Variants in XIRP2 observed in about 807,000 individuals in gnomAD.
The protein encoded by XIRP2 is xin actin-binding repeat-containing protein 2.
XIRP2 carries 236 observed loss-of-function variants against 277.0 expected under a neutral mutation model. The observed-to-expected ratio is 0.85, with a 90% CI of 0.77 to 0.95. The LOEUF (loss-of-function observed/expected upper bound fraction) is 0.95. Ranked by LOEUF, XIRP2 falls within the 40% of genes least tolerant of loss-of-function variation. The probability of loss-of-function intolerance (pLI) is 0.00; values close to 1 mark genes in which losing one functional copy is unlikely to be tolerated. For synonymous variants in XIRP2, 1,490 were observed against 1,416.5 expected (o/e 1.05, Z -1.17); for missense variants, 4,640 against 4,157.5 (o/e 1.12, Z -3.19).
At chr2:166,982,266 G>T in intron 2 of XIRP2, among the ~76,000 whole-genome samples, 1 of 148,520 alleles carries the variant, frequency 6.7e-6, no homozygotes. Context: ...AGTGCATCAG[G>T]TTTTTAATTT....
At chr2:166,923,865 T>A (rs530880492) in intron 2 of XIRP2, among the ~76,000 whole-genome samples, 1 of 152,160 alleles carries the variant, frequency 6.6e-6, no homozygotes, top group East Asian at 1.9e-4. Context: ...CATTTGTCAC[T>A]ATGGAAAATG....
intron 2 of XIRP2, among the ~76,000 whole-genome samples, chr2:167,134,080 T>G (rs1325720289): frequency 6.6e-6 from 1 of 152,106 alleles, no homozygotes; most frequent in Non-Finnish European, 1.5e-5. Flanking sequence ...AAAGATGATA[T>G]GATTACCAGA....
intron 2 of XIRP2, among the ~76,000 whole-genome samples, chr2:166,966,201 A>C (rs1686428273): frequency 6.6e-6 from 1 of 151,798 alleles, no homozygotes; most frequent in South Asian, 2.1e-4. Context: ...CAATATTAAC[A>C]CTTTTTTAAA....
chr2:167,248,691 A>G lies in XIRP2; in HGVS notation c.7299A>G (p.Ile2433Met). Residue 2433 changes from isoleucine to methionine, a missense_variant, in exon 9 of 11, where the codon ATA becomes ATG. Ile to Met is a conservative substitution (Grantham distance 10). Transcript: ENST00000409195. ...TLPKPKLPKH[I>M]KDNKNDFSPK... is the part of the protein sequence containing the mutation. ...CCAAACCCAAACTTCCCAAGCATATAAAAGATAATAAGAACGATTTTTCCC... is the reference window on the plus strand; with the variant it reads ...CCAAACCCAAACTTCCCAAGCATATGAAAGATAATAAGAACGATTTTTCCC... 6.2e-7 allele frequency: 1 copy of G among 1,613,770 alleles called. No individual in the cohort carries two copies. The highest frequency in any genetic ancestry group is 8.5e-7 in the Non-Finnish European group (1 of 1,179,814).
intron 2 of XIRP2, among the ~76,000 whole-genome samples, chr2:167,006,356 C>T (rs531458889): frequency 3.0e-4 from 45 of 151,716 alleles, no homozygotes; most frequent in African/African-American, 1.0e-3. Context: ...GTAGAGGATC[C>T]AAAGTCTTTG....
intron 3 of XIRP2, among the ~76,000 whole-genome samples, chr2:167,166,563 G>T (rs1189247577): frequency 6.6e-6 from 1 of 152,156 alleles, no homozygotes; most frequent in African/African-American, 2.4e-5. Context: ...GGTTATTTGG[G>T]CTTGCACCTG....
At position 167,250,258 on chromosome 2, in the gene XIRP2, C is replaced by A; in HGVS notation, c.8866C>A (p.Gln2956Lys). 1 of 1,613,140 alleles carries A rather than the reference C, an allele frequency of 6.2e-7. No homozygotes were observed. ...EFLRKREELQ[Q>K]ILSRVKQFEA... ...CTTGAGAAAACGTGAAGAACTGCAA[C>A]AGATTTTGTCGAGAGTGAAACAGTT... The change falls in exon 9 of 11, where the codon CAG (glutamine) becomes AAG (lysine). Residue 2956 changes from glutamine to lysine, a missense_variant. Physicochemically the swap from Gln to Lys is moderately conservative, Grantham distance 53. Transcript: ENST00000409195.
intron 2 of XIRP2, among the ~76,000 whole-genome samples, chr2:166,942,367 G>A (rs1224216914): frequency 6.6e-6 from 1 of 152,138 alleles, no homozygotes. Context: ...TGCTTTCATA[G>A]GTATTACTTC....
intron 2 of XIRP2, among the ~76,000 whole-genome samples, chr2:167,057,778 A>G (rs1416995137): frequency 6.6e-6 from 1 of 152,176 alleles, no homozygotes; most frequent in Admixed American, 6.5e-5. Flanking sequence ...GTAAAGAAAT[A>G]TAAGCCAAAA....
intron 2 of XIRP2, among the ~76,000 whole-genome samples, chr2:166,978,291 G>C (rs1199386325): frequency 6.6e-6 from 1 of 152,068 alleles, no homozygotes; most frequent in Admixed American, 6.5e-5. Flanking sequence ...TCTACAATAA[G>C]TAATCAATCA....
intron 2 of XIRP2, among the ~76,000 whole-genome samples, chr2:167,025,119 C>T (rs1316461895): frequency 1.3e-5 from 2 of 152,038 alleles, no homozygotes; most frequent in Non-Finnish European, 2.9e-5. Flanking sequence ...TTGATTATTG[C>T]CACAATTTCA....
intron 2 of XIRP2, among the ~76,000 whole-genome samples, chr2:167,063,860 G>C (rs2105242801): frequency 6.6e-6 from 1 of 151,472 alleles, no homozygotes; most frequent in South Asian, 2.1e-4. Flanking sequence ...ACAATATATA[G>C]TTGGGTTTTG....
At chr2:166,984,100 C>G (rs1270582925) in intron 2 of XIRP2, among the ~76,000 whole-genome samples, 4 of 152,188 alleles carry the variant, frequency 2.6e-5, no homozygotes, top group Non-Finnish European at 5.9e-5. Flanking sequence ...ATGGCCATCT[C>G]AACTCTTACA....
rs397986571 is a variant in XIRP2, at chr2:166,969,544, TA to T, written c.408+65664del. Among the ~76,000 whole-genome samples the T allele has an allele frequency of 3.1e-4, 45 of 147,470 alleles. 1 individual carries two copies. Among genetic ancestry groups the T allele is most frequent in the South Asian group, 2.1e-3 (10 of 4,710 alleles). ...TGAGTGAGAATAAACGATATTACAA[TA>T]AAAAAAAAACTCCCTTTCAATCATT... On this transcript the variant is annotated intron_variant, in intron 2 of 10. Coordinates refer to ENST00000409195, the MANE Select transcript of XIRP2 (RefSeq NM_152381.6).
chr2:167,053,125 A>G (rs1452386162), intron 2 of XIRP2, among the ~76,000 whole-genome samples: 2 of 152,232 alleles, frequency 1.3e-5, no homozygotes, highest in African/African-American at 2.4e-5. Flanking sequence ...ATCAGTTATG[A>G]TTTTGTTAAT....
intron 2 of XIRP2, among the ~76,000 whole-genome samples, chr2:167,078,693 A>C (rs1208896611): frequency 6.6e-6 from 1 of 151,956 alleles, no homozygotes; most frequent in Non-Finnish European, 1.5e-5. Context: ...AAAATTAGCA[A>C]GGGCATGGTG....
chr2:166,926,665 A>G (rs1685196013), intron 2 of XIRP2, among the ~76,000 whole-genome samples: 1 of 152,130 alleles, frequency 6.6e-6, no homozygotes, highest in Non-Finnish European at 1.5e-5. Flanking sequence ...CTTTCTGTTC[A>G]TGCTTGGTGC....
chr2:167,198,097 T>C (rs1693571315), intron 3 of XIRP2, among the ~76,000 whole-genome samples: 1 of 152,140 alleles, frequency 6.6e-6, no homozygotes, highest in South Asian at 2.1e-4. Context: ...TGTAAATAAA[T>C]TAAGGGATGA....
At chr2:167,196,583 A>T (rs1693525483) in intron 3 of XIRP2, among the ~76,000 whole-genome samples, 1 of 152,026 alleles carries the variant, frequency 6.6e-6, no homozygotes, top group Admixed American at 6.6e-5. Flanking sequence ...TCCTTCTGTG[A>T]GGCTTTCTGT....
Sources: allele counts gnomAD v4.1 joint callset (sites outside exome capture counted in the v4.1 genomes callset), GRCh38; gene constraint gnomAD v4.1.1; transcripts MANE v1.5; gene names NCBI Gene and HGNC (gene_info 2026-07-23, HGNC 2026-07-21).